Variants in PDZD8 observed in about 807,000 individuals in gnomAD.
The protein encoded by PDZD8 is PDZ domain containing 8.
PDZD8 carries 14 observed loss-of-function variants against 85.8 expected under a neutral mutation model. That is an observed-to-expected ratio of 0.16 (90% CI 0.11 to 0.26). The LOEUF (loss-of-function observed/expected upper bound fraction) is 0.26, where lower values mean the gene tolerates loss of function less well. PDZD8 is among the 10% of genes least tolerant of loss of function. The pLI is 1.00. For synonymous variants in PDZD8, 592 were observed against 568.6 expected (o/e 1.04, Z -0.59); for missense variants, 1,197 against 1,424.3 (o/e 0.84, Z 2.57).
chr10:117,311,652 A>G (rs1844038581), intron 3 of PDZD8, among the ~76,000 whole-genome samples: 1 of 152,170 alleles, frequency 6.6e-6, no homozygotes, highest in Non-Finnish European at 1.5e-5. Flanking sequence ...AATGATGATT[A>G]CTGTTTTATT....
intron 1 of PDZD8, among the ~76,000 whole-genome samples, chr10:117,345,896 C>T (rs567961831): frequency 6.6e-6 from 1 of 152,138 alleles, no homozygotes; most frequent in African/African-American, 2.4e-5. Context: ...AATATGTCTC[C>T]ATAAATATGT....
chr10:117,285,353 A>G lies in PDZD8; in HGVS notation c.1380T>C (p.Asp460=). 1.2e-6 allele frequency: 2 copies of G among 1,614,188 alleles called. No individual in the cohort carries two copies. The highest frequency in any genetic ancestry group is 8.5e-7 in the Non-Finnish European group (1 of 1,180,024). ...GQSNQGAVLQ[D]NFGQLEENFL... ...AGTTTTCTTCCAACTGGCCAAAGTT[A>G]TCTTGCAGCACTGCACCTTGATTAC... Residue 460 remains aspartate (D), a synonymous_variant, in exon 5 of 5, where the codon GAT becomes GAC. Coordinates refer to ENST00000334464, the MANE Select transcript of PDZD8 (RefSeq NM_173791.5).
chr10:117,301,604 TC>T (rs775806355), intron 3 of PDZD8, among the ~76,000 whole-genome samples: 6 of 152,194 alleles, frequency 3.9e-5, no homozygotes, highest in Non-Finnish European at 7.3e-5. Flanking sequence ...ATGCCAGATG[TC>T]AGATCAATTT....
At chr10:117,350,412 C>G (rs1286936126) in intron 1 of PDZD8, among the ~76,000 whole-genome samples, 1 of 151,136 alleles carries the variant, frequency 6.6e-6, no homozygotes, top group African/African-American at 2.4e-5. Context: ...TTACAGGGTG[C>G]CCACTACCAC....
At chr10:117,338,241 C>T (rs547131809) in intron 2 of PDZD8, among the ~76,000 whole-genome samples, 1 of 152,258 alleles carries the variant, frequency 6.6e-6, no homozygotes, top group African/African-American at 2.4e-5. Flanking sequence ...CTTACTCTTG[C>T]CTTCATACAC....
chr10:117,363,639 C>A (rs1845034777), intron 1 of PDZD8, among the ~76,000 whole-genome samples: 1 of 151,970 alleles, frequency 6.6e-6, no homozygotes, highest in South Asian at 2.1e-4. Flanking sequence ...AAGAATAAAC[C>A]CAATGAGGAT....
At chr10:117,328,393 T>C (rs989772822) in intron 2 of PDZD8, among the ~76,000 whole-genome samples, 3 of 146,622 alleles carry the variant, frequency 2.0e-5, no homozygotes, top group African/African-American at 7.5e-5. Flanking sequence ...CCTGATTTCT[T>C]AAGATCTCTC....
chr10:117,290,544 C>CA (rs1270629184), intron 3 of PDZD8, among the ~76,000 whole-genome samples, 196 bp from the exon 4 acceptor site: 1 of 151,976 alleles, frequency 6.6e-6, no homozygotes, highest in African/African-American at 2.4e-5. Flanking sequence ...TTTAAATCAT[C>CA]AAAAAAATTA....
At position 117,374,216 on chromosome 10, in the gene PDZD8, C is replaced by G; in HGVS notation, c.872+140G>C. On this transcript the variant is annotated intron_variant, in intron 1 of 4. Coordinates refer to ENST00000334464, the MANE Select transcript of PDZD8 (RefSeq NM_173791.5). The surrounding 1 kb of genome is among the most constrained non-coding windows in gnomAD (Gnocchi z 7.8). ...GCAAGTGTTCACGACTCGCCTTGAT[C>G]TGGGGCCCTGTCCAGGGTGGGAAGG... 5 of 1,331,136 alleles carry G rather than the reference C, an allele frequency of 3.8e-6. No individual in the cohort carries two copies. The highest frequency in any genetic ancestry group is 5.1e-6 in the Non-Finnish European group (5 of 988,606). 82.5% of individuals were successfully genotyped at this position (1,331,136 alleles called of 1,614,324 possible). A position where few individuals can be genotyped will look rare whatever the true frequency, so the allele number is the denominator to read the frequency against.
At chr10:117,341,808 A>G (rs979989684) in intron 1 of PDZD8, among the ~76,000 whole-genome samples, 10 of 152,244 alleles carry the variant, frequency 6.6e-5, no homozygotes, top group African/African-American at 2.4e-4. Flanking sequence ...ACGAATACAG[A>G]GAGCTGACTA....
At chr10:117,306,932 A>G (rs1161068170) in intron 3 of PDZD8, among the ~76,000 whole-genome samples, 2 of 152,144 alleles carry the variant, frequency 1.3e-5, no homozygotes, top group African/African-American at 4.8e-5. Context: ...CCACAGTATA[A>G]CTGCCAGAGT....
chr10:117,327,495 A>T (rs1844338019), intron 2 of PDZD8, among the ~76,000 whole-genome samples: 1 of 152,202 alleles, frequency 6.6e-6, no homozygotes, highest in African/African-American at 2.4e-5. Flanking sequence ...CCTGTGCTTT[A>T]ATCTTTACCA....
At chr10:117,351,241 C>T (rs940155165) in intron 1 of PDZD8, among the ~76,000 whole-genome samples, 1 of 152,138 alleles carries the variant, frequency 6.6e-6, no homozygotes, top group African/African-American at 2.4e-5. Context: ...ATATTCATAA[C>T]AACACTACCC....
At chr10:117,345,875 T>C (rs1265189202) in intron 1 of PDZD8, among the ~76,000 whole-genome samples, 1 of 152,142 alleles carries the variant, frequency 6.6e-6, no homozygotes. Context: ...TTAAAGTCTG[T>C]GTCCATGTTA....
At chr10:117,358,675 G>T (rs1844942046) in intron 1 of PDZD8, among the ~76,000 whole-genome samples, 1 of 151,924 alleles carries the variant, frequency 6.6e-6, no homozygotes, top group Admixed American at 6.6e-5. Context: ...ATCAATACTT[G>T]GTCTTGAATT....
chr10:117,335,049 G>C (rs1161353910), intron 2 of PDZD8, among the ~76,000 whole-genome samples: 2 of 152,094 alleles, frequency 1.3e-5, no homozygotes, highest in Admixed American at 1.3e-4. Flanking sequence ...AACTGAAATG[G>C]AAGCAGGAAA....
intron 1 of PDZD8, among the ~76,000 whole-genome samples, chr10:117,358,686 T>C (rs546156563): frequency 2.4e-4 from 36 of 152,288 alleles, no homozygotes; most frequent in Non-Finnish European, 4.0e-4. Flanking sequence ...GTCTTGAATT[T>C]TGGCTCTAAT....
Position 117,283,434 on chromosome 10 carries a change from T to C in PDZD8, c.3299A>G (p.Asp1100Gly), listed in dbSNP as rs1423796432. The C allele has an allele frequency of 6.2e-7, 1 of 1,613,972 alleles. No homozygotes were observed. Among genetic ancestry groups the C allele is most frequent in the African/African-American group, 1.3e-5 (1 of 74,926 alleles). ...LMIHYRAGIE[D>G]IETLESLSLD... ...AGACAGACTTTCTAAAGTTTCTATA[T>C]CTTCAATGCCTGCTCTGTAGTGAAT... The change falls in exon 5 of 5, where the codon GAT becomes GGT. Residue 1100 changes from aspartate to glycine, a missense_variant. By Grantham distance (94) the Asp-to-Gly change is moderately conservative. This residue lies in a region of PDZD8 where 418 missense variants were observed against 571.1 expected (regional missense o/e 0.73). Coordinates refer to ENST00000334464, the MANE Select transcript of PDZD8 (RefSeq NM_173791.5).
chr10:117,339,892 ATGG>A (rs1379630738), intron 2 of PDZD8, among the ~76,000 whole-genome samples: 3 of 152,198 alleles, frequency 2.0e-5, no homozygotes, highest in African/African-American at 7.2e-5. Flanking sequence ...CCTGTGTGTC[ATGG>A]TGAGGATTTG....
Sources: gnomAD v4.1 joint callset for allele counts (sites outside exome capture counted in the v4.1 genomes callset) on GRCh38, gnomAD v4.1.1 for gene constraint, gnomAD v4.1.1 regional missense constraint, Gnocchi (gnomAD v3.1) non-coding constraint, MANE v1.5 for transcripts, NCBI Gene and HGNC (gene_info 2026-07-23, HGNC 2026-07-21) for gene names.